TRIM9: variants seen among roughly 807,000 people sequenced by gnomAD.
TRIM9 encodes the protein tripartite motif containing 9.
TRIM9 carries 26 observed loss-of-function variants against 78.3 expected under a neutral mutation model. The ratio of observed to expected loss-of-function variants is 0.33; its 90% confidence interval spans 0.24 to 0.46. The LOEUF (loss-of-function observed/expected upper bound fraction) is 0.46. Ranked by LOEUF, TRIM9 falls within the 20% of genes least tolerant of loss-of-function variation. TRIM9 has a pLI of 1.00. For synonymous variants in TRIM9, 398 were observed against 416.5 expected (o/e 0.96, Z 0.54); for missense variants, 787 against 1,036.4 (o/e 0.76, Z 3.30).
chr14:51,010,220 G>C (rs775820617), intron 4 of TRIM9, among the ~76,000 whole-genome samples, 164 bp downstream of exon 4: 2 of 152,150 alleles, frequency 1.3e-5, no homozygotes, highest in African/African-American at 4.8e-5. Context: ...AGTCAGTGGA[G>C]TTTATTTAGC....
intron 7 of TRIM9, among the ~76,000 whole-genome samples, chr14:50,993,371 CTT>C (rs35659590): frequency 1.0e-4 from 15 of 144,220 alleles, no homozygotes; most frequent in Non-Finnish European, 1.5e-4. Flanking sequence ...CAACAAGACT[CTT>C]TTTTTTTTTT....
chr14:50,998,021 C>A (rs748950338), intron 7 of TRIM9, 29 bp downstream of exon 7: 1 of 1,613,776 alleles, frequency 6.2e-7, no homozygotes, highest in Non-Finnish European at 8.5e-7. Context: ...GCAGTTCTCG[C>A]TCTGAGGGAT....
intron 1 of TRIM9, among the ~76,000 whole-genome samples, chr14:51,068,388 A>C (rs2140212930): frequency 6.6e-6 from 1 of 152,328 alleles, no homozygotes; most frequent in South Asian, 2.1e-4. Flanking sequence ...GTGAAGTGTC[A>C]AGTAGGCAGC....
At chr14:50,979,773 T>G (rs1287757797) in intron 11 of TRIM9, among the ~76,000 whole-genome samples, 2 of 152,174 alleles carry the variant, frequency 1.3e-5, no homozygotes, top group Non-Finnish European at 2.9e-5. Context: ...AAGAGTATGA[T>G]TTTTTGCTCC....
chr14:51,035,026 T>C (rs934996600), intron 1 of TRIM9, among the ~76,000 whole-genome samples: 4 of 148,604 alleles, frequency 2.7e-5, no homozygotes, highest in Non-Finnish European at 6.1e-5. Flanking sequence ...TGGGAAAATA[T>C]TTATAACACA....
At chr14:51,052,322 G>C (rs1021263987) in intron 1 of TRIM9, among the ~76,000 whole-genome samples, 1 of 152,062 alleles carries the variant, frequency 6.6e-6, no homozygotes, top group African/African-American at 2.4e-5. Context: ...AAGAGTCAAG[G>C]TCGGCGAATA....
intron 1 of TRIM9, among the ~76,000 whole-genome samples, chr14:51,054,436 C>G (rs951300404): frequency 1.3e-5 from 1 of 78,190 alleles, no homozygotes; most frequent in Non-Finnish European, 2.6e-5. Flanking sequence ...CCATGCCCAG[C>G]TGTTTTTTGT....
intron 7 of TRIM9, among the ~76,000 whole-genome samples, chr14:50,995,749 C>T (rs1419529595): frequency 6.6e-6 from 1 of 151,826 alleles, no homozygotes; most frequent in Non-Finnish European, 1.5e-5. Context: ...AACGCACCAC[C>T]CCACCACCCC....
intron 11 of TRIM9, among the ~76,000 whole-genome samples, chr14:50,980,593 C>T (rs10134544): frequency 0.019 from 2,911 of 152,322 alleles, 85 homozygotes; most frequent in African/African-American, 0.067. Context: ...TGTTTCTCTG[C>T]ATAGTGTGAT....
At chr14:51,078,791 T>C (rs183642514) in intron 1 of TRIM9, among the ~76,000 whole-genome samples, 2 of 152,244 alleles carry the variant, frequency 1.3e-5, no homozygotes, top group Admixed American at 6.5e-5. Flanking sequence ...ACGGAGGAGA[T>C]ACGTAGGATA....
chr14:51,005,233 T>C (rs1310736768), intron 5 of TRIM9, among the ~76,000 whole-genome samples: 1 of 152,156 alleles, frequency 6.6e-6, no homozygotes, highest in Admixed American at 6.5e-5. Context: ...CCCTATGATT[T>C]ATAGGGGACT....
At chr14:50,979,328 G>C in intron 12 of TRIM9, 59 bp downstream of exon 12, 1 of 1,613,938 alleles carries the variant, frequency 6.2e-7, no homozygotes, top group Non-Finnish European at 8.5e-7. Flanking sequence ...AACGGCCCTG[G>C]GCAGCCTTTG....
At chr14:51,087,742 G>A (rs146328037) in intron 1 of TRIM9, among the ~76,000 whole-genome samples, 2 of 152,170 alleles carry the variant, frequency 1.3e-5, no homozygotes, top group African/African-American at 4.8e-5. Context: ...GTTATGCTAT[G>A]TTGTCCCCAG....
At chr14:51,074,017 A>G (rs1361773468) in intron 1 of TRIM9, among the ~76,000 whole-genome samples, 1 of 152,242 alleles carries the variant, frequency 6.6e-6, no homozygotes, top group Non-Finnish European at 1.5e-5. Context: ...GCTACAAATC[A>G]GAGCTTTCCA....
At chr14:50,977,718 C>T (rs1157913672) in intron 12 of TRIM9, among the ~76,000 whole-genome samples, 5 of 152,152 alleles carry the variant, frequency 3.3e-5, no homozygotes, top group East Asian at 3.9e-4. Context: ...AGGACAGATT[C>T]GCAGAGACAG....
intron 7 of TRIM9, among the ~76,000 whole-genome samples, chr14:50,987,364 T>C (rs2052854121): frequency 6.6e-6 from 1 of 152,220 alleles, no homozygotes; most frequent in African/African-American, 2.4e-5. Context: ...AACAAGGGCA[T>C]TGGCAAGTTT....
chr14:51,035,689 T>C (rs184117617), intron 1 of TRIM9, among the ~76,000 whole-genome samples: 1 of 152,254 alleles, frequency 6.6e-6, no homozygotes, highest in East Asian at 1.9e-4. Context: ...GAAAACAGCT[T>C]TCTGGAAAAA....
intron 3 of TRIM9, among the ~76,000 whole-genome samples, chr14:51,011,407 G>T (rs2056567680): frequency 6.6e-6 from 1 of 152,112 alleles, no homozygotes. Flanking sequence ...GCCCAAGCTG[G>T]TCTTGAATTC....
At chr14:51,040,338 A>G (rs1203980939) in intron 1 of TRIM9, among the ~76,000 whole-genome samples, 1 of 152,170 alleles carries the variant, frequency 6.6e-6, no homozygotes, top group Non-Finnish European at 1.5e-5. Context: ...TGAAGACTCT[A>G]CCATCTCTCA....
Sources: allele counts gnomAD v4.1 joint callset (sites outside exome capture counted in the v4.1 genomes callset), GRCh38; gene constraint gnomAD v4.1.1; transcripts MANE v1.5; gene names NCBI Gene and HGNC (gene_info 2026-07-23, HGNC 2026-07-21).